Variants in TYW1 observed in about 807,000 individuals in gnomAD.
The protein encoded by TYW1 is S-adenosyl-L-methionine-dependent tRNA 4-demethylwyosine synthase TYW1.
In TYW1, 46 loss-of-function variants were observed where a neutral mutation model predicts 96.2. The ratio of observed to expected loss-of-function variants is 0.48; its 90% confidence interval spans 0.38 to 0.61. The LOEUF (loss-of-function observed/expected upper bound fraction) is 0.61, where lower values mean the gene tolerates loss of function less well. Ranked by LOEUF, TYW1 falls within the 20% of genes least tolerant of loss-of-function variation. The pLI is 0.00. For synonymous variants in TYW1, 274 were observed against 323.0 expected (o/e 0.85, Z 1.63); for missense variants, 684 against 909.6 (o/e 0.75, Z 3.19).
At chr7:67,059,096 GTTTTTTTT>G (rs557933957) in intron 9 of TYW1, among the ~76,000 whole-genome samples, 1 of 124,638 alleles carries the variant, frequency 8.0e-6, no homozygotes, top group Non-Finnish European at 1.7e-5. Context: ...TGAAGACAAA[GTTTTTTTT>G]TTTTTTTTTT....
chr7:67,084,952 A>G (rs1276263673), intron 11 of TYW1, among the ~76,000 whole-genome samples: 3 of 152,146 alleles, frequency 2.0e-5, no homozygotes, highest in Admixed American at 2.0e-4. Flanking sequence ...TTCCCTGTTG[A>G]ATCTCTATGC....
At chr7:67,019,575 ATCTTG>A (rs1794163317) in intron 6 of TYW1, among the ~76,000 whole-genome samples, 1 of 151,750 alleles carries the variant, frequency 6.6e-6, no homozygotes, top group Non-Finnish European at 1.5e-5. Context: ...CAAACCTCCC[ATCTTG>A]GCCTCGGACA....
At chr7:67,059,325 G>C (rs372861346) in intron 9 of TYW1, among the ~76,000 whole-genome samples, 1 of 151,214 alleles carries the variant, frequency 6.6e-6, no homozygotes, top group Non-Finnish European at 1.5e-5. Context: ...GGATGGTCTC[G>C]ATCTCCTGAC....
At chr7:67,221,549 C>T (rs531470755) in intron 15 of TYW1, among the ~76,000 whole-genome samples, 1 of 152,280 alleles carries the variant, frequency 6.6e-6, no homozygotes, top group South Asian at 2.1e-4. Context: ...ATATGCCTTA[C>T]AGCTTTTTTG....
At chr7:67,169,678 C>T (rs1307249386) in intron 13 of TYW1, among the ~76,000 whole-genome samples, 3 of 152,224 alleles carry the variant, frequency 2.0e-5, no homozygotes, top group Admixed American at 1.3e-4. Context: ...GGATTACAGG[C>T]GTGAGCCACT....
At chr7:67,076,006 C>A (rs1796190873) in intron 10 of TYW1, among the ~76,000 whole-genome samples, 1 of 152,232 alleles carries the variant, frequency 6.6e-6, no homozygotes. Flanking sequence ...TAAATATTTT[C>A]CCTGGCATAC....
intron 9 of TYW1, among the ~76,000 whole-genome samples, chr7:67,065,551 A>G (rs1427833075): frequency 6.6e-6 from 1 of 151,836 alleles, no homozygotes. Context: ...TGCCTTGTAC[A>G]TTTTATTAGG....
At chr7:67,232,270 TG>T (rs1279180647) in intron 15 of TYW1, among the ~76,000 whole-genome samples, 2 of 151,386 alleles carry the variant, frequency 1.3e-5, no homozygotes, top group Non-Finnish European at 2.9e-5. Context: ...CCCTCTATCA[TG>T]TTAGAAGTTT....
Position 67,172,430 on chromosome 7 carries a change from C to CCTTTTTTTTTTTTTTTTT in TYW1, c.1699-10696_1699-10695insCTTTTTTTTTTTTTTTTT, listed in dbSNP as rs777213368. ...TTGAACCCCACATGACCTTACCATT[C>CCTTTTTTTTTTTTTTTTT]TTTTTTTTGAGATGGAGTCTCACTC... On this transcript the variant is annotated intron_variant, in intron 13 of 15. Coordinates refer to ENST00000359626, the MANE Select transcript of TYW1 (RefSeq NM_018264.4). Among the ~76,000 whole-genome samples, 15 of 144,038 alleles carry CCTTTTTTTTTTTTTTTTT rather than the reference C, an allele frequency of 1.0e-4. 1 individual carries two copies. Among genetic ancestry groups the CCTTTTTTTTTTTTTTTTT allele is most frequent in the Admixed American group, 2.8e-4 (4 of 14,318 alleles). 94.5% of individuals were successfully genotyped at this position (144,038 alleles called of 152,430 possible).
At chr7:67,186,928 A>G (rs1439392095) in intron 14 of TYW1, among the ~76,000 whole-genome samples, 1 of 152,118 alleles carries the variant, frequency 6.6e-6, no homozygotes, top group Non-Finnish European at 1.5e-5. Flanking sequence ...AAAATTTTAT[A>G]TGAATGTGCT....
At chr7:67,072,576 T>C (rs977702797) in intron 10 of TYW1, among the ~76,000 whole-genome samples, 6 of 152,076 alleles carry the variant, frequency 3.9e-5, no homozygotes, top group Non-Finnish European at 8.8e-5. Context: ...AAAATTCTTA[T>C]TATAGATTTT....
At chr7:67,156,907 T>C (rs1798994908) in intron 13 of TYW1, among the ~76,000 whole-genome samples, 1 of 151,764 alleles carries the variant, frequency 6.6e-6, no homozygotes, top group African/African-American at 2.4e-5. Context: ...GGGACTCTTC[T>C]GGGGGTAGGG....
At chr7:67,032,807 TCTGAGAAG>T (rs1794708976) in intron 7 of TYW1, among the ~76,000 whole-genome samples, 1 of 150,668 alleles carries the variant, frequency 6.6e-6, no homozygotes, top group African/African-American at 2.4e-5. Flanking sequence ...CAAAATGTAC[TCTGAGAAG>T]CTGAGAAGTG....
chr7:67,021,417 A>C (rs1794268305), intron 6 of TYW1, among the ~76,000 whole-genome samples: 1 of 152,246 alleles, frequency 6.6e-6, no homozygotes, highest in South Asian at 2.1e-4. Context: ...GTGCTTGCCT[A>C]AGTGACTTTG....
intron 15 of TYW1, among the ~76,000 whole-genome samples, chr7:67,224,525 T>G (rs1295650305): frequency 6.6e-6 from 1 of 152,248 alleles, no homozygotes; most frequent in Non-Finnish European, 1.5e-5. Flanking sequence ...TCCTTCTTAC[T>G]GAACTCAGTG....
intron 11 of TYW1, among the ~76,000 whole-genome samples, chr7:67,094,651 A>T (rs867441621): frequency 7.1e-6 from 1 of 141,600 alleles, no homozygotes; most frequent in Non-Finnish European, 1.5e-5. Flanking sequence ...AGAGAATTAG[A>T]GTGTGTGTGT....
At chr7:66,997,754 G>C (rs886584338) in intron 1 of TYW1, among the ~76,000 whole-genome samples, 4 of 147,594 alleles carry the variant, frequency 2.7e-5, no homozygotes, top group African/African-American at 1.0e-4. Flanking sequence ...TCAGCCCCCC[G>C]AGTAGCTGGG....
intron 3 of TYW1, among the ~76,000 whole-genome samples, chr7:67,002,999 A>G (rs1342577332): frequency 6.6e-6 from 1 of 151,438 alleles, no homozygotes; most frequent in Non-Finnish European, 1.5e-5. Context: ...TCAAACTCCT[A>G]GCCTCAAGTG....
At chr7:67,111,809 C>T (rs1300738759) in intron 12 of TYW1, among the ~76,000 whole-genome samples, 1 of 152,028 alleles carries the variant, frequency 6.6e-6, no homozygotes, top group African/African-American at 2.4e-5. Context: ...GTTAGAAAAT[C>T]AAAGAAAGAT....
Sources: gnomAD v4.1 joint callset for allele counts (sites outside exome capture counted in the v4.1 genomes callset) on GRCh38, gnomAD v4.1.1 for gene constraint, MANE v1.5 for transcripts, NCBI Gene and HGNC (gene_info 2026-07-23, HGNC 2026-07-21) for gene names.